ATP7B: variants seen among roughly 807,000 people sequenced by gnomAD.
ATP7B encodes copper-transporting ATPase 2.
Under a neutral mutation model 118.9 loss-of-function variants are expected in ATP7B, and 113 were observed. The ratio of observed to expected loss-of-function variants is 0.95; its 90% CI spans 0.82 to 1.11. The LOEUF (loss-of-function observed/expected upper bound fraction) is 1.11. Ranked by LOEUF, ATP7B falls within the 50% of genes most tolerant of loss-of-function variation. The pLI, the probability that ATP7B is intolerant of heterozygous loss-of-function variation, is 0.00. For synonymous variants in ATP7B, 777 were observed against 727.4 expected, an observed-to-expected ratio of 1.07 and a Z score of -1.10; for missense variants, 1,867 against 1,871.4, an observed-to-expected ratio of 1.00 and a Z score of 0.04.
intron 1 of ATP7B, among the ~76,000 whole-genome samples, chr13:51,999,603 T>C (rs376772446): frequency 1.6e-4 from 25 of 152,352 alleles, no homozygotes; most frequent in African/African-American, 5.5e-4. Flanking sequence ...GTTCATTCCA[T>C]GCACCTTCGA....
At chr13:51,980,991 A>G (rs12585981) in intron 1 of ATP7B, among the ~76,000 whole-genome samples, 2 of 152,206 alleles carry the variant, frequency 1.3e-5, no homozygotes, top group African/African-American at 4.8e-5. Context: ...ATAACAAATA[A>G]TTAATGATTC....
At chr13:52,007,173 C>T (rs1004956895) in intron 1 of ATP7B, among the ~76,000 whole-genome samples, 4 of 152,220 alleles carry the variant, frequency 2.6e-5, no homozygotes, top group South Asian at 2.1e-4. Context: ...GTTTTTTAAA[C>T]GGTAAAAACC....
At position 51,974,550 on chromosome 13, in the gene ATP7B, T is replaced by C; in HGVS notation, c.670A>G (p.Ile224Val). The C allele has an allele frequency of 6.2e-7, 1 of 1,614,176 alleles. No homozygotes were observed. Among genetic ancestry groups the C allele is most frequent in the Middle Eastern group, 1.6e-4 (1 of 6,062 alleles). Reference protein sequence around the residue: ...VAPLSLGPIDIERLQSTNPKR... With the variant: ...VAPLSLGPIDVERLQSTNPKR... Reference sequence around the variant, plus strand: ...GGGTTAGTGCTTTGTAACCGCTCAATATCAATTGGTCCCAGGCTTAAGGGA... The same window carrying C: ...GGGTTAGTGCTTTGTAACCGCTCAACATCAATTGGTCCCAGGCTTAAGGGA... The change falls in exon 2 of 21, where the codon ATT becomes GTT. Residue 224 changes from isoleucine to valine, a missense_variant. By Grantham distance (29) the Ile-to-Val change is conservative. Coordinates refer to ENST00000242839, the MANE Select transcript of ATP7B (RefSeq NM_000053.4).
chr13:51,940,107 G>T (rs1445770498), intron 16 of ATP7B, among the ~76,000 whole-genome samples: 1 of 146,070 alleles, frequency 6.8e-6, no homozygotes, highest in East Asian at 2.1e-4. Context: ...CCAACTCCCG[G>T]GTTCAAGCAA....
chr13:51,975,169 C>A lies in ATP7B; in HGVS notation c.52-1G>T, dbSNP rs1057517351. The A allele has an allele frequency of 1.2e-6, 2 of 1,613,944 alleles. No homozygotes were observed. The highest frequency in any genetic ancestry group is 1.7e-5 in the Admixed American group (1 of 60,006). The stretch of plus-strand genomic sequence containing the variant: ...TAGGCAAAGAAAGCTTAGATAAGAT[C>A]TAAAAAGAAAAGAAATAACATTTTT... On this transcript the variant is annotated splice_acceptor_variant, in intron 1 of 20. Transcript: ENST00000242839. LOFTEE classifies it high-confidence loss of function.
Position 51,974,659 on chromosome 13 carries a change from A to G in ATP7B, c.561T>C (p.Tyr187=), listed in dbSNP as rs1162659137. 3.1e-6 allele frequency: 5 copies of G among 1,611,276 alleles called. No homozygotes were observed. Among genetic ancestry groups the G allele is most frequent in the Admixed American group, 1.7e-5 (1 of 59,850 alleles). Reference sequence around the variant, plus strand: ...CTTCGGGCTGAATGAGATAAGGCTGATAAGTGATGACGGCCTCTTGGTTGC... The same window carrying G: ...CTTCGGGCTGAATGAGATAAGGCTGGTAAGTGATGACGGCCTCTTGGTTGC... ...SLSNQEAVIT[Y]QPYLIQPEDL... The change falls in exon 2 of 21, where the codon TAT becomes TAC. Residue 187 remains tyrosine, a synonymous_variant. Transcript: ENST00000242839.
At position 51,950,391 on chromosome 13, in the gene ATP7B, T is replaced by C; in HGVS notation, c.2456A>G (p.Gln819Arg). ...GEDNLIIREE[Q>R]VPMELVQRGD... ...CCGCTGCACCAGCTCCATGGGGACT[T>C]GCTCCTCCCTGCAACAAACGCCACT... is the stretch of plus-strand genomic sequence containing the variant. Residue 819 changes from glutamine to arginine, a missense_variant, in exon 10 of 21, where the codon CAA (glutamine) becomes CGA (arginine). Gln to Arg is a conservative substitution (Grantham distance 43, BLOSUM62 1). Coordinates refer to ENST00000242839, the MANE Select transcript of ATP7B (RefSeq NM_000053.4). 6.2e-7 allele frequency: 1 copy of C among 1,614,006 alleles called. No homozygotes were observed. Among genetic ancestry groups the C allele is most frequent in the Non-Finnish European group, 8.5e-7 (1 of 1,180,024 alleles).
At chr13:52,002,575 G>A (rs1285930401) in intron 1 of ATP7B, among the ~76,000 whole-genome samples, 3 of 72 alleles carry the variant, frequency 0.042, no homozygotes, top group Admixed American at 0.12. Flanking sequence ...GCAGGGAGGC[G>A]AGGGGAGAGG....
rs9526811 is a variant in ATP7B, at chr13:51,950,424, C to T, written c.2448-25G>A. ...CCTGCAACAAACGCCACTTATCACT[C>T]ACATGGCCACTCATTCGGTCACCGG... On this transcript the variant is annotated intron_variant, in intron 9 of 20. Transcript: ENST00000242839. The T allele has an allele frequency of 0.44, 711,466 of 1,612,734 alleles. 163,322 individuals carry two copies. The highest frequency in any genetic ancestry group is 0.48 in the Non-Finnish European group (562,230 of 1,179,752).
intron 4 of ATP7B, chr13:51,967,225 T>G (rs754125656): frequency 5.8e-6 from 6 of 1,035,996 alleles, no homozygotes; most frequent in African/African-American, 1.6e-5. Flanking sequence ...ATCTCCATAC[T>G]GTTTCTTTCT....
intron 9 of ATP7B, among the ~76,000 whole-genome samples, chr13:51,952,146 G>C (rs1268731701): frequency 6.6e-6 from 1 of 152,272 alleles, no homozygotes; most frequent in African/African-American, 2.4e-5. Flanking sequence ...CATGTGAACT[G>C]TGTGCTAGTG....
At chr13:52,003,026 T>C (rs1389889453) in intron 1 of ATP7B, among the ~76,000 whole-genome samples, 5 of 152,350 alleles carry the variant, frequency 3.3e-5, no homozygotes, top group East Asian at 3.9e-4. Context: ...TTTGATCTTA[T>C]GTTCAAATCA....
At chr13:51,986,348 T>C (rs1051659372) in intron 1 of ATP7B, among the ~76,000 whole-genome samples, 1 of 152,110 alleles carries the variant, frequency 6.6e-6, no homozygotes, top group Non-Finnish European at 1.5e-5. Flanking sequence ...ACATACACCC[T>C]CCAAAGTCTA....
At chr13:51,967,235 T>C (rs1951600423) in intron 4 of ATP7B, 1 of 842,688 alleles carries the variant, frequency 1.2e-6, no homozygotes, top group African/African-American at 1.7e-5. Context: ...TGTTTCTTTC[T>C]TTTTTTTTTC....
intron 3 of ATP7B, among the ~76,000 whole-genome samples, chr13:51,969,808 T>C (rs1325733144): frequency 3.3e-5 from 5 of 152,274 alleles, no homozygotes; most frequent in Middle Eastern, 3.4e-3. Context: ...GAAGCTATAA[T>C]GCATAGTGAA....
At chr13:51,954,262 C>T (rs530285475) in intron 9 of ATP7B, among the ~76,000 whole-genome samples, 21 of 152,354 alleles carry the variant, frequency 1.4e-4, no homozygotes, top group Middle Eastern at 3.4e-3. Context: ...TGGAGCACAA[C>T]GCAGGGGATG....
At chr13:51,981,858 A>G (rs1440435854) in intron 1 of ATP7B, among the ~76,000 whole-genome samples, 1 of 152,206 alleles carries the variant, frequency 6.6e-6, no homozygotes, top group Non-Finnish European at 1.5e-5. Context: ...TCACAAGCAG[A>G]AAATAAATGT....
chr13:51,986,445 T>TCTAG (rs1266179919), intron 1 of ATP7B, among the ~76,000 whole-genome samples: 2 of 151,986 alleles, frequency 1.3e-5, no homozygotes, highest in Non-Finnish European at 2.9e-5. Flanking sequence ...TCAAAAAAAG[T>TCTAG]CTAGGATCAG....
At chr13:52,004,243 C>T (rs1481969679) in intron 1 of ATP7B, among the ~76,000 whole-genome samples, 1 of 152,152 alleles carries the variant, frequency 6.6e-6, no homozygotes, top group Non-Finnish European at 1.5e-5. Context: ...GCCTGGCTGA[C>T]AGAGCAAGAC....
Sources: allele counts gnomAD v4.1 joint callset (sites outside exome capture counted in the v4.1 genomes callset), GRCh38; gene constraint gnomAD v4.1.1; transcripts MANE v1.5; gene names NCBI Gene and HGNC (gene_info 2026-07-23, HGNC 2026-07-21).